The following AQP6 variants were observed in gnomAD, a reference collection of about 807,000 sequenced individuals.
AQP6 encodes the protein aquaporin 6.
AQP6 carries 14 observed loss-of-function variants against 16.3 expected under a neutral mutation model. The ratio of observed to expected loss-of-function variants is 0.86; its 90% CI spans 0.57 to 1.34. AQP6 has a LOEUF of 1.34. AQP6 is among the 40% of genes most tolerant of loss of function. The pLI, the probability that AQP6 is intolerant of heterozygous loss-of-function variation, is 0.00. For missense variants in AQP6, 331 were observed against 379.7 expected (o/e 0.87, Z 1.07); for synonymous variants, 178 against 166.8 (o/e 1.07, Z -0.52).
chr12:49,975,882 C>G lies in AQP6; in HGVS notation c.*211C>G. 1 of 551,966 alleles carries G rather than the reference C, an allele frequency of 1.8e-6. No individual in the cohort carries two copies. Among genetic ancestry groups the G allele is most frequent in the Non-Finnish European group, 2.8e-6 (1 of 352,426 alleles). 34.2% of individuals were successfully genotyped at this position (551,966 alleles called of 1,614,324 possible). On this transcript the variant is annotated 3_prime_UTR_variant, in exon 4 of 4. Coordinates refer to ENST00000315520, the MANE Select transcript of AQP6 (RefSeq NM_001652.4). The surrounding 1 kb of genome is among the most constrained non-coding windows in gnomAD (Gnocchi z 4.4). ...CTCTCTGTAGGGCTTCCCCACCTCT[C>G]GGTGGGACAGAGCAGAGGAAGGCAG...
In AQP6 at chr12:49,975,030, AGACTT is replaced by A; in HGVS notation, c.642+205_642+209del. On this transcript the variant is annotated intron_variant, in intron 3 of 3. Transcript: ENST00000315520. This position sits in a 1 kb window ranked among gnomAD's most constrained non-coding sequence, Gnocchi z 4.4. Reference sequence around the variant, plus strand: ...AGGGCAGGAGCTGCAGCCTTGGCCCAGACTTTTAAGTCCTGGCTGTTTCCTTATTC... The same window carrying A: ...AGGGCAGGAGCTGCAGCCTTGGCCCATTAAGTCCTGGCTGTTTCCTTATTC... The A allele has an allele frequency of 1.4e-6, 2 of 1,396,702 alleles. No homozygotes were observed. The highest frequency in any genetic ancestry group is 1.9e-6 in the Non-Finnish European group (2 of 1,079,128). The allele number at this position is 1,396,702 out of a possible 1,614,324, so 86.5% of individuals were successfully genotyped here.
Position 49,973,569 on chromosome 12 carries a change from C to T in AQP6, c.396C>T (p.Ile132=). The change falls in exon 1 of 4, where the codon ATC becomes ATT. Residue 132 remains isoleucine (I), a synonymous_variant. Coordinates refer to ENST00000315520, the MANE Select transcript of AQP6 (RefSeq NM_001652.4). ...MPGDIRETLG[I]NVVRNSVSTG... is the part of the protein sequence containing the mutation. ...GAGACATCCGAGAGACCCTTGGGAT[C>T]AACGTGGTAGGTGCAGGGAGGGGCA... 6.2e-7 allele frequency: 1 copy of T among 1,600,516 alleles called. No individual in the cohort carries two copies. Among genetic ancestry groups the T allele is most frequent in the Non-Finnish European group, 8.5e-7 (1 of 1,173,104 alleles).
At position 49,973,431 on chromosome 12, in the gene AQP6, G is replaced by A. The variant is rs765695114; in HGVS notation, c.258G>A (p.Thr86=). 15 of 1,613,210 alleles carry A rather than the reference G, an allele frequency of 9.3e-6. No individual in the cohort carries two copies. Among genetic ancestry groups the A allele is most frequent in the East Asian group, 6.7e-5 (3 of 44,898 alleles). ...GGGCCCACGCCAACCCCGCCGTGAC[G>A]CTGGCCTTCCTCGTAGGCTCCCACA... ...ASGAHANPAV[T]LAFLVGSHIS... The change falls in exon 1 of 4, where the codon ACG becomes ACA. Residue 86 remains threonine, a synonymous_variant. Transcript: ENST00000315520.
In AQP6 at chr12:49,974,794, GC is replaced by G; in HGVS notation, c.612del (p.Ile205SerfsTer17). The G allele has an allele frequency of 6.2e-7, 1 of 1,614,182 alleles. No homozygotes were observed. The highest frequency in any genetic ancestry group is 8.5e-7 in the Non-Finnish European group (1 of 1,180,016). The stretch of plus-strand genomic sequence containing the variant: ...GAATCCAGCCCGCTCCTTCGGCCCT[GC>G]CATCATCATTGGGAAGTTCACAGTC... ...SMNPARSFGP[A>X]IIIGKFTVHW... On this transcript the variant is annotated frameshift_variant, in exon 3 of 4. Coordinates refer to ENST00000315520, the MANE Select transcript of AQP6 (RefSeq NM_001652.4). LOFTEE classifies it low-confidence loss of function (END_TRUNC).
Position 49,975,200 on chromosome 12 carries a change from G to A in AQP6, c.643-265G>A, listed in dbSNP as rs1352245644. ...GGGGAAGTGAGAGGAAAGAGGCGGG[G>A]GCGGGTGAGGAGACTGGCCCCAGGC... is the stretch of plus-strand genomic sequence containing the variant. On this transcript the variant is annotated intron_variant, in intron 3 of 3. Coordinates refer to ENST00000315520, the MANE Select transcript of AQP6 (RefSeq NM_001652.4). The surrounding 1 kb of genome is among the most constrained non-coding windows in gnomAD (Gnocchi z 4.4). 2.0e-5 allele frequency: 26 copies of A among 1,310,044 alleles called. No individual in the cohort carries two copies. In the Admixed American group the frequency reaches 9.7e-4, roughly 49 times the overall value. The allele number at this position is 1,310,044 out of a possible 1,614,324, so 81.2% of individuals were successfully genotyped here. A position where few individuals can be genotyped will look rare whatever the true frequency, so the allele number is the denominator to read the frequency against.
rs1166339959 is a variant in AQP6 at position 49,976,795 on chromosome 12, G to A, written c.*1124G>A. The A allele has an allele frequency of 3.4e-6, 2 of 585,004 alleles. No homozygotes were observed. The highest frequency in any genetic ancestry group is 5.7e-5 in the East Asian group (2 of 35,238). 36.2% of individuals were successfully genotyped at this position (585,004 alleles called of 1,614,324 possible). A position where few individuals can be genotyped will look rare whatever the true frequency, so the allele number is the denominator to read the frequency against. On this transcript the variant is annotated 3_prime_UTR_variant, in exon 4 of 4. Transcript: ENST00000315520. ...CATCTAGCCATTGACTCATGACCTG[G>A]GTCAAAGAAGCCGTCTCCAGGCTCT...
chr12:49,973,095 G>A lies in AQP6; in HGVS notation c.-79G>A. On this transcript the variant is annotated 5_prime_UTR_variant, in exon 1 of 4. Coordinates refer to ENST00000315520, the MANE Select transcript of AQP6 (RefSeq NM_001652.4). ...AGGGTCAGCCAGAGACAGGACACCA[G>A]AAGAGACAGGAGATCAGAGACCAGA... The A allele has an allele frequency of 6.7e-7, 1 of 1,488,490 alleles. No individual in the cohort carries two copies. The highest frequency in any genetic ancestry group is 8.9e-7 in the Non-Finnish European group (1 of 1,122,074). 92.2% of individuals were successfully genotyped at this position (1,488,490 alleles called of 1,614,324 possible). A position where few individuals can be genotyped will look rare whatever the true frequency, so the allele number is the denominator to read the frequency against.
chr12:49,973,555 G>C lies in AQP6; in HGVS notation c.382G>C (p.Glu128Gln), dbSNP rs1166966774. Residue 128 changes from glutamate (E) to glutamine (Q), a missense_variant, in exon 1 of 4, where the codon GAG becomes CAG. Glu to Gln is a conservative substitution (Grantham distance 29). Coordinates refer to ENST00000315520, the MANE Select transcript of AQP6 (RefSeq NM_001652.4). ...LYGVMPGDIR[E>Q]TLGINVVRNS... The stretch of plus-strand genomic sequence containing the variant: ...TGGGGTCATGCCGGGAGACATCCGA[G>C]AGACCCTTGGGATCAACGTGGTAGG... 61 of 1,607,644 alleles carry C rather than the reference G, an allele frequency of 3.8e-5. No individual in the cohort carries two copies. The highest frequency in any genetic ancestry group is 5.2e-5 in the Non-Finnish European group (61 of 1,177,052).
chr12:49,974,457 C>T lies in AQP6; in HGVS notation c.536C>T (p.Ser179Phe). 6.2e-7 allele frequency: 1 copy of T among 1,611,896 alleles called. No homozygotes were observed. The highest frequency in any genetic ancestry group is 1.1e-5 in the South Asian group (1 of 90,850). Reference protein sequence around the residue: ...SGSPATMIGISVALGHLIGIH... With the variant: ...SGSPATMIGIFVALGHLIGIH... The stretch of plus-strand genomic sequence containing the variant: ...TCCCCGGCCACCATGATTGGGATCT[C>T]TGTGGCACTGGGCCACCTCATTGGG... Residue 179 changes from serine to phenylalanine, a missense_variant, in exon 2 of 4, where the codon TCT (serine) becomes TTT (phenylalanine). By Grantham distance (155) the Ser-to-Phe change is radical. Transcript: ENST00000315520.
At chr12:49,974,851 G>A (rs1352960815) in intron 3 of AQP6, 25 bp downstream of exon 3, 1 of 1,612,692 alleles carries the variant, frequency 6.2e-7, no homozygotes, top group Non-Finnish European at 8.5e-7. Context: ...TGGCAGCCCT[G>A]GGGAGGGAAG....
In AQP6 at chr12:49,974,411, G is replaced by A. The variant is rs764831146; in HGVS notation, c.490G>A (p.Asp164Asn). 3.7e-6 allele frequency: 6 copies of A among 1,613,802 alleles called. No individual in the cohort carries two copies. Among genetic ancestry groups the A allele is most frequent in the South Asian group, 3.3e-5 (3 of 91,068 alleles). Residue 164 changes from aspartate (D) to asparagine (N), a missense_variant, in exon 2 of 4, where the codon GAC becomes AAC. Transcript: ENST00000315520. ...GGTGCTCTGTGTCTTCGCTTCCACC[G>A]ACAGCCGTCAGACATCAGGCTCCCC... The part of the protein sequence containing the change: ...QLVLCVFAST[D>N]SRQTSGSPAT...
rs950618623 is a variant in AQP6 at position 49,973,014 on chromosome 12, C to T, written c.-160C>T. 31 of 981,380 alleles carry T rather than the reference C, an allele frequency of 3.2e-5. No individual in the cohort carries two copies. Among genetic ancestry groups the T allele is most frequent in the East Asian group, 3.2e-4 (12 of 38,076 alleles). The allele number at this position is 981,380 out of a possible 1,614,324, so 60.8% of individuals were successfully genotyped here. A position where few individuals can be genotyped will look rare whatever the true frequency, so the allele number is the denominator to read the frequency against. ...ACCAGCACAGTCCTGGGGACAGGAG[C>T]GTGGTGGAGGAGCTGCAGGTGGGGG... On this transcript the variant is annotated 5_prime_UTR_variant, in exon 1 of 4. Coordinates refer to ENST00000315520, the MANE Select transcript of AQP6 (RefSeq NM_001652.4).
Position 49,973,066 on chromosome 12 carries a change from A to T in AQP6, c.-108A>T, listed in dbSNP as rs913747573. 1.4e-6 allele frequency: 2 copies of T among 1,427,654 alleles called. No individual in the cohort carries two copies. Among genetic ancestry groups the T allele is most frequent in the Non-Finnish European group, 1.8e-6 (2 of 1,086,088 alleles). 88.4% of individuals were successfully genotyped at this position (1,427,654 alleles called of 1,614,324 possible). ...CAGAGAAGCCTCCACAGAGAGCAAA[A>T]GCCAGGGTCAGCCAGAGACAGGACA... On this transcript the variant is annotated 5_prime_UTR_variant, in exon 1 of 4. It adds an upstream start codon to the 5' untranslated region. Coordinates refer to ENST00000315520, the MANE Select transcript of AQP6 (RefSeq NM_001652.4).
chr12:49,975,318 G>A lies in AQP6; in HGVS notation c.643-147G>A, dbSNP rs542564116. ...CTTACCTTGTGGGCTTGGGAAACAC[G>A]ACTCGTGGTTCTCAAATTTAGCACC... On this transcript the variant is annotated intron_variant, in intron 3 of 3. Transcript: ENST00000315520. The surrounding 1 kb of genome is among the most constrained non-coding windows in gnomAD (Gnocchi z 4.4). The A allele has an allele frequency of 7.6e-6, 11 of 1,440,048 alleles. No individual in the cohort carries two copies. Among genetic ancestry groups the A allele is most frequent in the South Asian group, 4.8e-5 (3 of 62,252 alleles). 89.2% of individuals were successfully genotyped at this position (1,440,048 alleles called of 1,614,324 possible).
Position 49,977,130 on chromosome 12 carries a change from G to A in AQP6, c.*1459G>A. The A allele has an allele frequency of 1.5e-6, 1 of 682,136 alleles. No homozygotes were observed. Among genetic ancestry groups the A allele is most frequent in the African/African-American group, 1.8e-5 (1 of 56,164 alleles). The allele number at this position is 682,136 out of a possible 1,614,324, so 42.3% of individuals were successfully genotyped here. ...TAGAAAAACAACCCCAATAAATGAT[G>A]ATTATTGTTGCTGTTACTGTAATTA... On this transcript the variant is annotated 3_prime_UTR_variant, in exon 4 of 4. Coordinates refer to ENST00000315520, the MANE Select transcript of AQP6 (RefSeq NM_001652.4).
rs756391331 is a variant in AQP6 at position 49,973,308 on chromosome 12, C to T, written c.135C>T (p.Val45=). The T allele has an allele frequency of 6.3e-5, 102 of 1,613,636 alleles. No individual in the cohort carries two copies. The highest frequency in any genetic ancestry group is 8.0e-5 in the Non-Finnish European group (94 of 1,180,056). The change falls in exon 1 of 4, where the codon GTC becomes GTT. Residue 45 remains valine, a synonymous_variant. Coordinates refer to ENST00000315520, the MANE Select transcript of AQP6 (RefSeq NM_001652.4). ...ATGTGTTCTTTGGCGTGGGCTCAGT[C>T]ATGCGCTGGCCCACAGCACTTCCCT... is the stretch of plus-strand genomic sequence containing the variant. ...GLYVFFGVGS[V]MRWPTALPSV...
intron 2 of AQP6, 103 bp downstream of exon 2, chr12:49,974,585 G>A (rs150785949): frequency 3.9e-5 from 57 of 1,444,086 alleles, no homozygotes; most frequent in African/African-American, 2.8e-4. Flanking sequence ...TGAGCCCCTC[G>A]TGCCTTGGAG....
At position 49,975,119 on chromosome 12, in the gene AQP6, G is replaced by GAC. The variant is rs1197767266; in HGVS notation, c.642+302_642+303dup. On this transcript the variant is annotated intron_variant, in intron 3 of 3. Transcript: ENST00000315520. The surrounding 1 kb of genome is among the most constrained non-coding windows in gnomAD (Gnocchi z 4.4). ...ATAAAGAAAAAGACAAACAGAAATAGACACACACACCAGCAGAGACAGAAA... is the reference window on the plus strand; with the variant it reads ...ATAAAGAAAAAGACAAACAGAAATAGACACACACACACCAGCAGAGACAGAAA... 3.8e-6 allele frequency: 5 copies of GAC among 1,318,892 alleles called. No homozygotes were observed. The highest frequency in any genetic ancestry group is 3.9e-6 in the Non-Finnish European group (4 of 1,035,504). 81.7% of individuals were successfully genotyped at this position (1,318,892 alleles called of 1,614,324 possible).
chr12:49,974,829 G>A lies in AQP6; in HGVS notation c.642+3G>A, dbSNP rs766373170. On this transcript the variant is annotated splice_donor_region_variant and intron_variant, in intron 3 of 3. Transcript: ENST00000315520. ...TTGGGAAGTTCACAGTCCACTGGGT[G>A]AGCCCCTCTGCTGGCAGCCCTGGGG... The A allele has an allele frequency of 1.5e-5, 24 of 1,614,066 alleles. No individual in the cohort carries two copies. The South Asian group carries it at 1.6e-4, about 11-fold the overall frequency.
Sources: gnomAD v4.1 joint callset for allele counts on GRCh38, gnomAD v4.1.1 for gene constraint, Gnocchi (gnomAD v3.1) non-coding constraint, MANE v1.5 for transcripts, NCBI Gene and HGNC (gene_info 2026-07-23, HGNC 2026-07-21) for gene names.